The following RBFOX1 variants were observed in gnomAD, a reference collection of about 807,000 sequenced individuals.
RBFOX1 encodes RNA binding fox-1 homolog 1, also known as RNA binding protein fox-1 homolog 1.
Under a neutral mutation model 57.7 loss-of-function variants are expected in RBFOX1, and 8 were observed. That is an observed-to-expected ratio of 0.14 (90% CI 0.08 to 0.25). RBFOX1 has a LOEUF of 0.25. Ranked by LOEUF, RBFOX1 falls within the 10% of genes least tolerant of loss-of-function variation. The pLI, the probability that RBFOX1 is intolerant of heterozygous loss-of-function variation, is 1.00. For synonymous variants in RBFOX1, 326 were observed against 222.4 expected (o/e 1.47, Z -4.15); for missense variants, 611 against 548.5 (o/e 1.11, Z -1.14).
intron 4 of RBFOX1, among the ~76,000 whole-genome samples, chr16:7,294,753 G>T (rs1354775276): frequency 6.6e-6 from 1 of 151,394 alleles, no homozygotes. Context: ...ACGAGGTTTA[G>T]ATATTGTAAA....
chr16:6,806,108 C>A (rs374238322), intron 3 of RBFOX1, among the ~76,000 whole-genome samples: 1 of 152,178 alleles, frequency 6.6e-6, no homozygotes, highest in South Asian at 2.1e-4. Flanking sequence ...ATCCAAGAAC[C>A]AGTTTGAATA....
chr16:7,479,405 C>T (rs767384517), intron 4 of RBFOX1, among the ~76,000 whole-genome samples: 16 of 152,192 alleles, frequency 1.1e-4, no homozygotes, highest in Admixed American at 9.8e-4. Context: ...GCTGGGATTA[C>T]AGGTATGAGC....
intron 3 of RBFOX1, among the ~76,000 whole-genome samples, chr16:6,733,281 T>C (rs976292335): frequency 6.6e-6 from 1 of 152,192 alleles, no homozygotes; most frequent in East Asian, 1.9e-4. Flanking sequence ...TAGAAACAAA[T>C]ATGACTTGGG....
At chr16:5,589,524 A>G (rs1344519906) in intron 2 of RBFOX1, among the ~76,000 whole-genome samples, 1 of 152,186 alleles carries the variant, frequency 6.6e-6, no homozygotes, top group Non-Finnish European at 1.5e-5. Flanking sequence ...CCAAGGCCAT[A>G]TAGCTCATTA....
chr16:5,661,996 C>T (rs1451368166), intron 3 of RBFOX1, among the ~76,000 whole-genome samples: 1 of 152,088 alleles, frequency 6.6e-6, no homozygotes, highest in Non-Finnish European at 1.5e-5. Context: ...ACCATGTTAG[C>T]AGGGTGGTCT....
At chr16:7,553,520 C>G (rs1021548871) in intron 5 of RBFOX1, among the ~76,000 whole-genome samples, 2 of 152,186 alleles carry the variant, frequency 1.3e-5, no homozygotes, top group African/African-American at 4.8e-5. Context: ...GTCAGACATG[C>G]AGGACTATCA....
intron 1 of RBFOX1, among the ~76,000 whole-genome samples, chr16:6,299,700 A>G (rs2078576648): frequency 6.6e-6 from 1 of 152,150 alleles, no homozygotes; most frequent in Non-Finnish European, 1.5e-5. Context: ...GCCAAAGCCT[A>G]AACTCAGTTA....
At chr16:6,393,519 G>T (rs186669897) in intron 2 of RBFOX1, among the ~76,000 whole-genome samples, 26 of 152,214 alleles carry the variant, frequency 1.7e-4, no homozygotes, top group Admixed American at 9.8e-4. Flanking sequence ...TTAATATTTA[G>T]CTGCTTCATG....
At chr16:7,445,034 C>G (rs1014489864) in intron 4 of RBFOX1, among the ~76,000 whole-genome samples, 1 of 145,812 alleles carries the variant, frequency 6.9e-6, no homozygotes, top group South Asian at 2.2e-4. Flanking sequence ...TTCTTTTTTT[C>G]TTTTGGGAAT....
At chr16:7,035,769 C>G (rs181298676) in intron 3 of RBFOX1, among the ~76,000 whole-genome samples, 2 of 152,228 alleles carry the variant, frequency 1.3e-5, no homozygotes, top group East Asian at 1.9e-4. Flanking sequence ...TTTTGGGAAT[C>G]TAGTCCTTCC....
chr16:5,901,790 A>G (rs1020952071), intron 4 of RBFOX1, among the ~76,000 whole-genome samples: 2 of 152,208 alleles, frequency 1.3e-5, no homozygotes, highest in East Asian at 1.9e-4. Context: ...GCTTTTCTGT[A>G]TCTTTTCTTC....
chr16:5,687,852 C>T (rs75994222), intron 3 of RBFOX1, among the ~76,000 whole-genome samples: 1 of 152,256 alleles, frequency 6.6e-6, no homozygotes, highest in Non-Finnish European at 1.5e-5. Flanking sequence ...TAAAAAGTTA[C>T]ATTTGTGGTT....
At chr16:5,470,344 G>C (rs2069093007) in intron 2 of RBFOX1, among the ~76,000 whole-genome samples, 1 of 152,182 alleles carries the variant, frequency 6.6e-6, no homozygotes, top group East Asian at 1.9e-4. Context: ...TCTATTCCTG[G>C]TCCCTGGTAT....
At chr16:5,472,470 CAG>C (rs908032489) in intron 2 of RBFOX1, among the ~76,000 whole-genome samples, 11 of 152,190 alleles carry the variant, frequency 7.2e-5, no homozygotes, top group Admixed American at 7.2e-4. Context: ...TCAGCACAGA[CAG>C]GGCAAGGATT....
intron 1 of RBFOX1, among the ~76,000 whole-genome samples, chr16:6,157,478 C>T (rs2096846542): frequency 6.6e-6 from 1 of 152,144 alleles, no homozygotes; most frequent in Non-Finnish European, 1.5e-5. Flanking sequence ...TTTAGCTAGA[C>T]TTTCTGTATT....
chr16:7,340,096 G>A (rs980509903), intron 4 of RBFOX1, among the ~76,000 whole-genome samples: 1 of 152,162 alleles, frequency 6.6e-6, no homozygotes, highest in Non-Finnish European at 1.5e-5. Flanking sequence ...TCTAATCTCT[G>A]GTTGCCCACT....
intron 3 of RBFOX1, among the ~76,000 whole-genome samples, chr16:7,003,296 C>T (rs74411705): frequency 0.013 from 1,993 of 152,026 alleles, 47 homozygotes; most frequent in African/African-American, 0.045. Flanking sequence ...CCCGTCTCTA[C>T]TAAAAGTGCA....
chr16:7,032,205 G>A (rs985902743), intron 3 of RBFOX1, among the ~76,000 whole-genome samples: 4 of 151,906 alleles, frequency 2.6e-5, no homozygotes, highest in African/African-American at 9.7e-5. Flanking sequence ...CGGGCGGATC[G>A]CTTGAGGTCA....
At chr16:6,892,535 T>A (rs1219891807) in intron 3 of RBFOX1, among the ~76,000 whole-genome samples, 1 of 152,096 alleles carries the variant, frequency 6.6e-6, no homozygotes, top group Non-Finnish European at 1.5e-5. Context: ...CTGCGCATGG[T>A]GGCACACACC....
Sources: allele counts gnomAD v4.1 joint callset (sites outside exome capture counted in the v4.1 genomes callset), GRCh38; gene constraint gnomAD v4.1.1; transcripts MANE v1.5; gene names NCBI Gene and HGNC (gene_info 2026-07-23, HGNC 2026-07-21).